KDR: variants seen among roughly 807,000 people sequenced by gnomAD.
The protein encoded by KDR is kinase insert domain receptor, also known as vascular endothelial growth factor receptor 2.
In KDR, 43 loss-of-function variants were observed where a neutral mutation model predicts 160.9. That is an observed-to-expected ratio of 0.27 (90% CI 0.21 to 0.34). The LOEUF (loss-of-function observed/expected upper bound fraction) is 0.34, where lower values mean the gene tolerates loss of function less well. Ranked by LOEUF, KDR falls within the 10% of genes least tolerant of loss-of-function variation. The pLI, the probability that KDR is intolerant of heterozygous loss-of-function variation, is 1.00. For synonymous variants in KDR, 617 were observed against 600.1 expected (o/e 1.03, Z -0.41); for missense variants, 1,469 against 1,666.4 (o/e 0.88, Z 2.06).
intron 3 of KDR, 38 bp from the exon 4 acceptor site, chr4:55,115,449 AT>A: frequency 8.8e-7 from 1 of 1,138,168 alleles, no homozygotes; most frequent in Non-Finnish European, 1.3e-6. Context: ...AGTTAATAGT[AT>A]TTACTAGAAA....
At chr4:55,101,747 C>T (rs1276817067) in intron 15 of KDR, 150 bp downstream of exon 15, 9 of 678,126 alleles carry the variant, frequency 1.3e-5, no homozygotes, top group East Asian at 5.5e-5. Context: ...GAATGTGTGG[C>T]GTTTGGTTTT....
chr4:55,097,448 A>G (rs898800284), intron 18 of KDR, among the ~76,000 whole-genome samples: 1 of 152,134 alleles, frequency 6.6e-6, no homozygotes, highest in Non-Finnish European at 1.5e-5. Flanking sequence ...AAGAAGGTGA[A>G]AGCCATTCCC....
chr4:55,090,849 CTTTT>C (rs61138010), intron 22 of KDR, among the ~76,000 whole-genome samples: 4 of 84,106 alleles, frequency 4.8e-5, no homozygotes, highest in African/African-American at 4.5e-5. Flanking sequence ...TAGAAGAAAA[CTTTT>C]TTTTTTTTTT....
In KDR at chr4:55,125,269, C is replaced by T. The variant is rs2110039294; in HGVS notation, c.25G>A (p.Val9Ile). The T allele has an allele frequency of 6.2e-7, 1 of 1,612,948 alleles. No individual in the cohort carries two copies. Among genetic ancestry groups the T allele is most frequent in the Non-Finnish European group, 8.5e-7 (1 of 1,179,752 alleles). The stretch of plus-strand genomic sequence containing the variant: ...GTCTCCACGCAGAGCCACAGGGCGA[C>T]GGCCAGCAGCACCTTGCTCTGCATC... MQSKVLLA[V>I]ALWLCVETRA... The change falls in exon 1 of 30, where the codon GTC (valine) becomes ATC (isoleucine). Residue 9 changes from valine to isoleucine, a missense_variant. Coordinates refer to ENST00000263923, the MANE Select transcript of KDR (RefSeq NM_002253.4).
chr4:55,084,426 C>T (rs1481196365), intron 27 of KDR, among the ~76,000 whole-genome samples: 1 of 152,118 alleles, frequency 6.6e-6, no homozygotes, highest in Admixed American at 6.5e-5. Flanking sequence ...CTAGGGTTGG[C>T]GAGTTTGGAC....
At chr4:55,089,268 G>A in intron 25 of KDR, 106 bp downstream of exon 25, 2 of 802,280 alleles carry the variant, frequency 2.5e-6, no homozygotes, top group Non-Finnish European at 4.2e-6. Flanking sequence ...GTAAAAGCAG[G>A]ACACTAACTG....
Position 55,120,833 on chromosome 4 carries a change from TGG to T in KDR, c.161+262_161+263del, listed in dbSNP as rs1391949764. Among the ~76,000 whole-genome samples the T allele has an allele frequency of 1.1e-4, 11 of 104,080 alleles. No individual in the cohort carries two copies. In the Admixed American group the frequency reaches 1.1e-3, roughly 10 times the overall value. The allele number at this position is 104,080 out of a possible 152,430, so 68.3% of individuals were successfully genotyped here. On this transcript the variant is annotated intron_variant, in intron 2 of 29. Transcript: ENST00000263923. ...TGTACTGGTTATTGGAATGTGGGTGTGGGTGTGTATTTGTGTGCGTGTGTGTG... is the reference window on the plus strand; with the variant it reads ...TGTACTGGTTATTGGAATGTGGGTGTGTGTGTATTTGTGTGCGTGTGTGTG...
chr4:55,108,804 C>A (rs1720504435), intron 9 of KDR, among the ~76,000 whole-genome samples: 1 of 151,648 alleles, frequency 6.6e-6, no homozygotes. Flanking sequence ...TTTTTTGACT[C>A]CAAAGTCAAA....
At chr4:55,098,419 T>G (rs1720217094) in intron 16 of KDR, 147 bp from the exon 17 acceptor site, 1 of 1,007,396 alleles carries the variant, frequency 9.9e-7, no homozygotes, top group East Asian at 2.6e-5. Context: ...ATTATAACCC[T>G]GCTTCTAGTT....
chr4:55,111,797 C>A (rs925831418), intron 7 of KDR, among the ~76,000 whole-genome samples: 9 of 152,188 alleles, frequency 5.9e-5, no homozygotes, highest in Non-Finnish European at 5.9e-5. Context: ...AGGGATGCCA[C>A]GTGACCTAGA....
chr4:55,100,591 C>A (rs961084996), intron 15 of KDR, among the ~76,000 whole-genome samples: 1 of 152,130 alleles, frequency 6.6e-6, no homozygotes, highest in Non-Finnish European at 1.5e-5. Flanking sequence ...CGTCATTCTG[C>A]GGATTTGCCC....
chr4:55,098,091 T>A, intron 17 of KDR, 46 bp downstream of exon 17: 1 of 1,609,740 alleles, frequency 6.2e-7, no homozygotes, highest in Non-Finnish European at 8.5e-7. Flanking sequence ...GAGGAAGAGA[T>A]GGCCTGGTAA....
At chr4:55,116,867 C>T (rs1350559077) in intron 3 of KDR, among the ~76,000 whole-genome samples, 1 of 152,166 alleles carries the variant, frequency 6.6e-6, no homozygotes, top group Admixed American at 6.5e-5. Flanking sequence ...AACACCTATC[C>T]ATAGAGAATA....
At chr4:55,080,397 A>T (rs1719702853) in intron 29 of KDR, among the ~76,000 whole-genome samples, 1 of 152,200 alleles carries the variant, frequency 6.6e-6, no homozygotes, top group South Asian at 2.1e-4. Flanking sequence ...AAGTCTTTCA[A>T]GCCTCAAATG....
chr4:55,088,034 G>A (rs545461384), intron 26 of KDR, among the ~76,000 whole-genome samples: 1 of 152,234 alleles, frequency 6.6e-6, no homozygotes, highest in African/African-American at 2.4e-5. Context: ...TGGTCAGAGA[G>A]GTAACAACAG....
chr4:55,105,739 A>T, intron 12 of KDR, 93 bp downstream of exon 12: 1 of 818,436 alleles, frequency 1.2e-6, no homozygotes, highest in Non-Finnish European at 2.2e-6. Flanking sequence ...ATGCCATGCC[A>T]CTCACATGAA....
chr4:55,087,288 T>C (rs1344588947), intron 27 of KDR, among the ~76,000 whole-genome samples: 1 of 152,238 alleles, frequency 6.6e-6, no homozygotes, highest in Non-Finnish European at 1.5e-5. Flanking sequence ...ACGGGGATAA[T>C]TTAAATGCAG....
intron 22 of KDR, 148 bp downstream of exon 22, chr4:55,092,469 C>T: frequency 1.4e-6 from 1 of 698,904 alleles, no homozygotes; most frequent in South Asian, 1.5e-5. Flanking sequence ...TCAGCAGAAA[C>T]AGAGCCTCCC....
intron 5 of KDR, 41 bp from the exon 6 acceptor site, chr4:55,114,306 A>C: frequency 6.3e-7 from 1 of 1,597,604 alleles, no homozygotes; most frequent in Non-Finnish European, 8.6e-7. Context: ...TGAGAGAGCA[A>C]ATAAGCCTAT....
Sources: allele counts gnomAD v4.1 joint callset (sites outside exome capture counted in the v4.1 genomes callset), GRCh38; gene constraint gnomAD v4.1.1; transcripts MANE v1.5; gene names NCBI Gene and HGNC (gene_info 2026-07-23, HGNC 2026-07-21).